Variants in CACNA2D4 observed in about 807,000 individuals in gnomAD.
CACNA2D4 encodes the protein calcium voltage-gated channel auxiliary subunit alpha2delta 4.
In CACNA2D4, 157 loss-of-function variants were observed where a neutral mutation model predicts 163.8. That is an observed-to-expected ratio of 0.96 (90% CI 0.84 to 1.09). The LOEUF is 1.09. Ranked by LOEUF, CACNA2D4 falls within the 50% of genes least tolerant of loss-of-function variation. The pLI, the probability that CACNA2D4 is intolerant of heterozygous loss-of-function variation, is 0.00. For synonymous variants in CACNA2D4, 598 were observed against 586.9 expected (o/e 1.02, Z -0.27); for missense variants, 1,410 against 1,479.9 (o/e 0.95, Z 0.78).
Position 1,828,235 on chromosome 12 carries a change from C to G in CACNA2D4, c.2551+12504G>C. 14 of 1,494,958 alleles carry G rather than the reference C, an allele frequency of 9.4e-6. No individual in the cohort carries two copies. Among genetic ancestry groups the G allele is most frequent in the Non-Finnish European group, 1.2e-5 (13 of 1,109,642 alleles). 92.6% of individuals were successfully genotyped at this position (1,494,958 alleles called of 1,614,324 possible). On this transcript the variant is annotated intron_variant, in intron 26 of 37. Coordinates refer to ENST00000382722, the MANE Select transcript of CACNA2D4 (RefSeq NM_172364.5). The surrounding 1 kb of genome is among the most constrained non-coding windows in gnomAD (Gnocchi z 4.2). ...TCTCCTGTGAGTACACCCCTGGCCTCGGAGGGGGGTGCGGGTTGGGTGGGG... is the reference window on the plus strand; with the variant it reads ...TCTCCTGTGAGTACACCCCTGGCCTGGGAGGGGGGTGCGGGTTGGGTGGGG...
At chr12:1,893,911 C>T (rs1422560733) in intron 6 of CACNA2D4, among the ~76,000 whole-genome samples, 1 of 151,840 alleles carries the variant, frequency 6.6e-6, no homozygotes, top group African/African-American at 2.4e-5. Flanking sequence ...AATACTGGAA[C>T]AGAAACAAAC....
chr12:1,884,836 G>A lies in CACNA2D4; in HGVS notation c.1204C>T (p.Leu402Phe). The A allele has an allele frequency of 1.2e-6, 2 of 1,613,892 alleles. No individual in the cohort carries two copies. Among genetic ancestry groups the A allele is most frequent in the Non-Finnish European group, 1.7e-6 (2 of 1,179,848 alleles). The change falls in exon 11 of 38, where the codon CTC (leucine) becomes TTC (phenylalanine). Residue 402 changes from leucine to phenylalanine, a missense_variant. Physicochemically the swap from Leu to Phe is conservative, Grantham distance 22. Transcript: ENST00000382722. ...QGSLCNQAIM[L>F]ISDGAVEDYE... ...TCCTCCACGGCGCCGTCGCTGATGA[G>A]CATGATGGCCTGGTTGCAGAGGCTT...
At chr12:1,826,348 C>T (rs1864315114) in intron 26 of CACNA2D4, among the ~76,000 whole-genome samples, 1 of 151,138 alleles carries the variant, frequency 6.6e-6, no homozygotes, top group South Asian at 2.1e-4. Flanking sequence ...AGCTGAGGCC[C>T]AGAGGCTTTA....
chr12:1,830,805 G>A (rs1864587635), intron 26 of CACNA2D4: 1 of 702,976 alleles, frequency 1.4e-6, no homozygotes, highest in Non-Finnish European at 2.3e-6. Context: ...AAACGTTTAT[G>A]CATTGATTGT....
Position 1,884,767 on chromosome 12 carries a change from C to T in CACNA2D4, c.1272+1G>A. ...TCCCTGGACACCCGTGGGAGGGTCACCTTACAGTCTGGCCAGTTATACTTC... is the reference window on the plus strand; with the variant it reads ...TCCCTGGACACCCGTGGGAGGGTCATCTTACAGTCTGGCCAGTTATACTTC... On this transcript the variant is annotated splice_donor_variant, in intron 11 of 37. Transcript: ENST00000382722. LOFTEE classifies it high-confidence loss of function. The T allele has an allele frequency of 1.9e-6, 3 of 1,608,914 alleles. No individual in the cohort carries two copies. Among genetic ancestry groups the T allele is most frequent in the Non-Finnish European group, 2.6e-6 (3 of 1,175,780 alleles).
At chr12:1,850,881 CAAAAA>C (rs3078857) in intron 23 of CACNA2D4, among the ~76,000 whole-genome samples, 7 of 130,836 alleles carry the variant, frequency 5.4e-5, no homozygotes, top group Non-Finnish European at 3.3e-5. Flanking sequence ...GACTCCGTCT[CAAAAA>C]AAAAAAAAAA....
At chr12:1,797,905 A>C (rs1011618933) in intron 34 of CACNA2D4, among the ~76,000 whole-genome samples, 13 of 152,068 alleles carry the variant, frequency 8.5e-5, no homozygotes, top group African/African-American at 3.1e-4. Flanking sequence ...AGGGGCACCA[A>C]GGGGTGGCTT....
At chr12:1,871,279 G>A (rs935995077) in intron 18 of CACNA2D4, among the ~76,000 whole-genome samples, 1 of 150,628 alleles carries the variant, frequency 6.6e-6, no homozygotes, top group Non-Finnish European at 1.5e-5. Flanking sequence ...TGGTGTGTGT[G>A]TACACCTGTA....
In CACNA2D4 at chr12:1,869,570, C is replaced by G. The variant is rs151030874; in HGVS notation, c.1878+5034G>C. Reference sequence around the variant, plus strand: ...CTGTTTTTCCTCTTGAGTTCCAGTTCGTTCTTGCTTTCTTCCACATCTCAT... The same window carrying G: ...CTGTTTTTCCTCTTGAGTTCCAGTTGGTTCTTGCTTTCTTCCACATCTCAT... On this transcript the variant is annotated intron_variant, in intron 18 of 37. Coordinates refer to ENST00000382722, the MANE Select transcript of CACNA2D4 (RefSeq NM_172364.5). The surrounding 1 kb of genome is among the most constrained non-coding windows in gnomAD (Gnocchi z 4.7). 6.6e-6 allele frequency among the ~76,000 whole-genome samples: 1 copy of G among 152,334 alleles called. No homozygotes were observed. The highest frequency in any genetic ancestry group is 1.9e-4 in the East Asian group (1 of 5,192).
intron 35 of CACNA2D4, among the ~76,000 whole-genome samples, chr12:1,796,878 G>A (rs986286391): frequency 6.6e-6 from 1 of 152,208 alleles, no homozygotes; most frequent in African/African-American, 2.4e-5. Context: ...CCGGGGCCAG[G>A]GCGGGTTATA....
chr12:1,891,093 G>A (rs1426445147), intron 6 of CACNA2D4, among the ~76,000 whole-genome samples: 1 of 152,116 alleles, frequency 6.6e-6, no homozygotes, highest in Non-Finnish European at 1.5e-5. Flanking sequence ...TACTACTACT[G>A]TCCCCTGAGC....
intron 29 of CACNA2D4, 106 bp downstream of exon 29, chr12:1,810,172 G>C: frequency 1.1e-6 from 1 of 903,918 alleles, no homozygotes; most frequent in Non-Finnish European, 1.8e-6. Context: ...CCCCGAACAG[G>C]GTTCCCTCCT....
chr12:1,880,471 G>T (rs1865970643), intron 13 of CACNA2D4, among the ~76,000 whole-genome samples: 1 of 152,252 alleles, frequency 6.6e-6, no homozygotes, highest in African/African-American at 2.4e-5. Context: ...CCAAACCCTT[G>T]CCACCTCTAG....
rs374124892 is a variant in CACNA2D4 at position 1,886,293 on chromosome 12, G to A, written c.923C>T (p.Thr308Ile). 1.2e-6 allele frequency: 2 copies of A among 1,613,462 alleles called. No homozygotes were observed. Among genetic ancestry groups the A allele is most frequent in the Non-Finnish European group, 1.7e-6 (2 of 1,179,550 alleles). The change falls in exon 8 of 38, where the codon ACT (threonine) becomes ATT (isoleucine). Residue 308 changes from threonine to isoleucine, a missense_variant. Thr to Ile is a moderately conservative substitution (Grantham distance 89). Coordinates refer to ENST00000382722, the MANE Select transcript of CACNA2D4 (RefSeq NM_172364.5). ...GGTGGTGATGGTGTGCTTGGCAATAGTCATCCTCAGCCCCTTCATACTGCC... is the reference window on the plus strand; with the variant it reads ...GGTGGTGATGGTGTGCTTGGCAATAATCATCCTCAGCCCCTTCATACTGCC... Reference protein sequence around the residue: ...VSGSMKGLRMTIAKHTITTIL... With the variant: ...VSGSMKGLRMIIAKHTITTIL...
chr12:1,878,557 A>G lies in CACNA2D4; in HGVS notation c.1645-168T>C, dbSNP rs560375719. 1 of 1,302,316 alleles carries G rather than the reference A, an allele frequency of 7.7e-7. No individual in the cohort carries two copies. The highest frequency in any genetic ancestry group is 1.5e-5 in the African/African-American group (1 of 68,138). The allele number at this position is 1,302,316 out of a possible 1,614,324, so 80.7% of individuals were successfully genotyped here. A position where few individuals can be genotyped will look rare whatever the true frequency, so the allele number is the denominator to read the frequency against. On this transcript the variant is annotated intron_variant, in intron 15 of 37. Transcript: ENST00000382722. This position sits in a 1 kb window ranked among gnomAD's most constrained non-coding sequence, Gnocchi z 4.6. ...AGTGCCATGCTTCCATCATTGATTG[A>G]GGAGTCCTTTCCAAACCGGACTGTT...
intron 11 of CACNA2D4, 34 bp downstream of exon 11, chr12:1,884,734 C>CT: frequency 6.9e-7 from 1 of 1,452,238 alleles, no homozygotes; most frequent in Non-Finnish European, 9.6e-7. Context: ...GCAGGAGAAG[C>CT]TTTTTTCTCC....
chr12:1,854,215 T>G (rs996008476), intron 22 of CACNA2D4, among the ~76,000 whole-genome samples, 171 bp from the exon 23 acceptor site: 1 of 152,200 alleles, frequency 6.6e-6, no homozygotes, highest in Non-Finnish European at 1.5e-5. Context: ...TGTCTTCACT[T>G]TCTCAACTCC....
chr12:1,874,796 T>G lies in CACNA2D4; in HGVS notation c.1807-121A>C, dbSNP rs1473109529. On this transcript the variant is annotated intron_variant, in intron 17 of 37. Transcript: ENST00000382722. The surrounding 1 kb of genome is among the most constrained non-coding windows in gnomAD (Gnocchi z 4.4). The stretch of plus-strand genomic sequence containing the variant: ...ACACTTTTGGTTCTTCCCTTTTTCC[T>G]CTGAGAGAGATACCAGGAGGGAAGA... The G allele has an allele frequency of 4.0e-6, 3 of 740,896 alleles. No individual in the cohort carries two copies. Among genetic ancestry groups the G allele is most frequent in the Non-Finnish European group, 7.3e-6 (3 of 412,874 alleles). The allele number at this position is 740,896 out of a possible 1,614,324, so 45.9% of individuals were successfully genotyped here.
intron 18 of CACNA2D4, among the ~76,000 whole-genome samples, chr12:1,868,453 G>C (rs1865701114): frequency 6.6e-6 from 1 of 151,526 alleles, no homozygotes; most frequent in African/African-American, 2.4e-5. Context: ...TAGCAGCAGG[G>C]GAAGGCACGG....
Sources: allele counts gnomAD v4.1 joint callset (sites outside exome capture counted in the v4.1 genomes callset), GRCh38; gene constraint gnomAD v4.1.1; non-coding constraint Gnocchi (gnomAD v3.1); transcripts MANE v1.5; gene names NCBI Gene and HGNC (gene_info 2026-07-23, HGNC 2026-07-21).